The following RNF144A variants were observed in gnomAD, a reference collection of about 807,000 sequenced individuals.
RNF144A encodes ring finger protein 144A.
A neutral mutation model predicts 38.7 loss-of-function variants in RNF144A; 11 were observed. The ratio of observed to expected loss-of-function variants is 0.28; its 90% CI spans 0.18 to 0.47. RNF144A has a LOEUF of 0.47. RNF144A is among the 20% of genes least tolerant of loss of function. RNF144A has a pLI of 0.99. For missense variants in RNF144A, 316 were observed against 377.2 expected (o/e 0.84, Z 1.34); for synonymous variants, 149 against 143.9 (o/e 1.04, Z -0.25).
At chr2:6,980,997 C>A (rs926086208) in intron 2 of RNF144A, among the ~76,000 whole-genome samples, 5 of 152,238 alleles carry the variant, frequency 3.3e-5, no homozygotes, top group Non-Finnish European at 5.9e-5. Flanking sequence ...GAAGCAATGG[C>A]CTGAGCTGTA....
intron 1 of RNF144A, among the ~76,000 whole-genome samples, chr2:6,930,873 C>T (rs775365973): frequency 1.3e-5 from 2 of 152,190 alleles, no homozygotes; most frequent in Non-Finnish European, 2.9e-5. Flanking sequence ...GGATTACAGG[C>T]ATGAGCCACT....
chr2:7,040,255 T>G lies in RNF144A; in HGVS notation c.*495T>G. The G allele has an allele frequency of 4.1e-6, 4 of 985,782 alleles. No homozygotes were observed. The highest frequency in any genetic ancestry group is 4.8e-6 in the Non-Finnish European group (4 of 830,184). 61.1% of individuals were successfully genotyped at this position (985,782 alleles called of 1,614,324 possible). A position where few individuals can be genotyped will look rare whatever the true frequency, so the allele number is the denominator to read the frequency against. On this transcript the variant is annotated 3_prime_UTR_variant, in exon 9 of 9. Transcript: ENST00000320892. ...AGTAAAATCCTTTTTAGAAGGTATT[T>G]TTTTTCCAACTGAGTAGTGAAAATC... is the stretch of plus-strand genomic sequence containing the variant.
chr2:6,930,105 A>G (rs1469026471), intron 1 of RNF144A, among the ~76,000 whole-genome samples: 1 of 152,254 alleles, frequency 6.6e-6, no homozygotes, highest in African/African-American at 2.4e-5. Flanking sequence ...TGTGGAGAAA[A>G]ATAAATGCTT....
intron 1 of RNF144A, among the ~76,000 whole-genome samples, chr2:6,930,165 T>C (rs958602434): frequency 2.6e-5 from 4 of 152,158 alleles, no homozygotes; most frequent in Non-Finnish European, 4.4e-5. Flanking sequence ...TAGCCCCAAA[T>C]GGAAAACATC....
intron 2 of RNF144A, among the ~76,000 whole-genome samples, chr2:6,950,413 G>A (rs12475469): frequency 0.067 from 10,146 of 152,136 alleles, 396 homozygotes; most frequent in East Asian, 0.099. Flanking sequence ...TGTTGGCGTC[G>A]ATTTCTTCAT....
chr2:7,014,908 G>T lies in RNF144A; in HGVS notation c.301+136G>T. 3 of 646,902 alleles carry T rather than the reference G, an allele frequency of 4.6e-6. No individual in the cohort carries two copies. In the South Asian group the frequency reaches 5.5e-5, roughly 12 times the overall value. The allele number at this position is 646,902 out of a possible 1,614,324, so 40.1% of individuals were successfully genotyped here. ...AAAAGTTGATGTAAAATAAACTTCTGAAATTAAACTGACATTCTGGATTCT... is the reference window on the plus strand; with the variant it reads ...AAAAGTTGATGTAAAATAAACTTCTTAAATTAAACTGACATTCTGGATTCT... On this transcript the variant is annotated intron_variant, in intron 5 of 8. Coordinates refer to ENST00000320892, the MANE Select transcript of RNF144A (RefSeq NM_014746.6).
intron 2 of RNF144A, among the ~76,000 whole-genome samples, chr2:6,995,154 C>A (rs890992323): frequency 6.6e-6 from 1 of 151,986 alleles, no homozygotes; most frequent in Admixed American, 6.5e-5. Flanking sequence ...TAAATATTAG[C>A]GCAGTGACAC....
chr2:7,006,429 GGTGT>G (rs1670445003), intron 3 of RNF144A, among the ~76,000 whole-genome samples: 2 of 152,136 alleles, frequency 1.3e-5, no homozygotes, highest in African/African-American at 4.8e-5. Flanking sequence ...GACACTGACA[GGTGT>G]GTCACCAGGA....
At chr2:7,026,339 AT>A (rs1379081568) in intron 7 of RNF144A, among the ~76,000 whole-genome samples, 14 of 152,288 alleles carry the variant, frequency 9.2e-5, no homozygotes, top group Admixed American at 9.2e-4. Flanking sequence ...CTGAGGCTTC[AT>A]TTTTACTTCC....
intron 5 of RNF144A, among the ~76,000 whole-genome samples, chr2:7,016,321 T>C (rs1276564080): frequency 6.6e-6 from 1 of 152,162 alleles, no homozygotes; most frequent in African/African-American, 2.4e-5. Flanking sequence ...AATTTAGACT[T>C]CTGAGACTTT....
intron 1 of RNF144A, among the ~76,000 whole-genome samples, chr2:6,930,350 C>CAGTAG (rs1173594760): frequency 1.3e-5 from 2 of 151,986 alleles, no homozygotes; most frequent in African/African-American, 4.8e-5. Flanking sequence ...AGGATTGTGA[C>CAGTAG]AGTTTTTCTA....
At chr2:6,957,541 T>C (rs551181330) in intron 2 of RNF144A, among the ~76,000 whole-genome samples, 6 of 152,316 alleles carry the variant, frequency 3.9e-5, no homozygotes, top group African/African-American at 1.4e-4. Flanking sequence ...GAGAGCTCAC[T>C]GCATAGAGGC....
chr2:6,960,932 A>G (rs950068128), intron 2 of RNF144A, among the ~76,000 whole-genome samples: 2 of 152,172 alleles, frequency 1.3e-5, no homozygotes, highest in Non-Finnish European at 2.9e-5. Context: ...GTATGAAGTC[A>G]TTGGTCAGCA....
At position 6,958,322 on chromosome 2, in the gene RNF144A, C is replaced by T. The variant is rs1667132889; in HGVS notation, c.-12+17175C>T. On this transcript the variant is annotated intron_variant, in intron 2 of 8. Transcript: ENST00000320892. The surrounding 1 kb of genome is among the most constrained non-coding windows in gnomAD (Gnocchi z 4.5). ...GCAGCCTGCCGTGCCAGAGACAGAA[C>T]AGACACACGGACAAGGGCAAGCCTT... 6.6e-6 allele frequency among the ~76,000 whole-genome samples: 1 copy of T among 152,240 alleles called. No homozygotes were observed. The highest frequency in any genetic ancestry group is 1.5e-5 in the Non-Finnish European group (1 of 68,040).
At chr2:6,996,810 G>A in intron 2 of RNF144A, 106 bp from the exon 3 acceptor site, 1 of 1,183,712 alleles carries the variant, frequency 8.4e-7, no homozygotes, top group Non-Finnish European at 1.2e-6. Flanking sequence ...TCAGCAGTCA[G>A]TTGGCCACCT....
chr2:6,964,723 A>G (rs1403085043), intron 2 of RNF144A, among the ~76,000 whole-genome samples: 1 of 152,096 alleles, frequency 6.6e-6, no homozygotes, highest in African/African-American at 2.4e-5. Flanking sequence ...CGCAAGAACA[A>G]AAAACCAAAC....
intron 8 of RNF144A, among the ~76,000 whole-genome samples, chr2:7,031,000 C>T (rs959199796): frequency 3.9e-5 from 6 of 152,070 alleles, no homozygotes; most frequent in Non-Finnish European, 5.9e-5. Context: ...AGTCTAATGT[C>T]GCTGCTGATC....
intron 2 of RNF144A, among the ~76,000 whole-genome samples, chr2:6,945,736 T>A (rs1666296929): frequency 6.6e-6 from 1 of 151,350 alleles, no homozygotes; most frequent in Non-Finnish European, 1.5e-5. Flanking sequence ...TTTTGGGTAA[T>A]GTTGACAAGG....
intron 1 of RNF144A, among the ~76,000 whole-genome samples, chr2:6,919,878 C>T (rs1259712463): frequency 6.6e-6 from 1 of 152,216 alleles, no homozygotes; most frequent in Non-Finnish European, 1.5e-5. Context: ...ACCCCCAGGT[C>T]ATCTGTGCCA....
Sources: allele counts gnomAD v4.1 joint callset (sites outside exome capture counted in the v4.1 genomes callset), GRCh38; gene constraint gnomAD v4.1.1; non-coding constraint Gnocchi (gnomAD v3.1); transcripts MANE v1.5; gene names NCBI Gene and HGNC (gene_info 2026-07-23, HGNC 2026-07-21).